SCARA5: variants seen among roughly 807,000 people sequenced by gnomAD.
The protein encoded by SCARA5 is scavenger receptor class A member 5.
A neutral mutation model predicts 46.3 loss-of-function variants in SCARA5; 45 were observed. That is an observed-to-expected ratio of 0.97 (90% CI 0.76 to 1.24). The LOEUF is 1.24. Among genes scored for constraint, SCARA5 ranks in the 50% most tolerant of loss-of-function variants. The probability of loss-of-function intolerance (pLI) is 0.00; values close to 1 mark genes in which losing one functional copy is unlikely to be tolerated. For missense variants in SCARA5, 680 were observed against 689.0 expected (o/e 0.99, Z 0.15); for synonymous variants, 333 against 306.5 (o/e 1.09, Z -0.90).
At chr8:27,892,502 T>C (rs1180417003) in intron 7 of SCARA5, among the ~76,000 whole-genome samples, 1 of 152,032 alleles carries the variant, frequency 6.6e-6, no homozygotes, top group African/African-American at 2.4e-5. Context: ...TGGTGATTCC[T>C]GTGGGGAGAT....
At chr8:27,920,310 C>A (rs61434202) in intron 4 of SCARA5, among the ~76,000 whole-genome samples, 54,491 of 151,864 alleles carry the variant, frequency 0.36, 9,995 homozygotes, top group African/African-American at 0.39. Context: ...ATCTCTAAAA[C>A]AGTAATAATT....
intron 5 of SCARA5, among the ~76,000 whole-genome samples, chr8:27,909,441 T>C (rs1397700410): frequency 6.6e-6 from 1 of 152,220 alleles, no homozygotes; most frequent in Non-Finnish European, 1.5e-5. Context: ...AGGCCTGTCC[T>C]GTACCTTTTC....
At chr8:27,872,163 C>T in intron 8 of SCARA5, 93 bp from the exon 9 acceptor site, 1 of 1,346,140 alleles carries the variant, frequency 7.4e-7, no homozygotes, top group South Asian at 1.2e-5. Context: ...TGACTTGGCT[C>T]TGCTGTACAC....
intron 3 of SCARA5, among the ~76,000 whole-genome samples, chr8:27,963,446 T>C (rs1808320487): frequency 6.6e-6 from 1 of 152,070 alleles, no homozygotes; most frequent in Admixed American, 6.6e-5. Context: ...CTTAGAGGTA[T>C]TGGAGGTAGG....
At chr8:27,952,335 G>A (rs1808141315) in intron 3 of SCARA5, among the ~76,000 whole-genome samples, 1 of 152,078 alleles carries the variant, frequency 6.6e-6, no homozygotes, top group Non-Finnish European at 1.5e-5. Flanking sequence ...CCCGGTTTGA[G>A]GTACTTTGAG....
intron 4 of SCARA5, chr8:27,910,378 G>A (rs1466621172): frequency 6.6e-6 from 1 of 152,282 alleles, no homozygotes; most frequent in African/African-American, 2.4e-5. Context: ...CCAGGCAGAG[G>A]GAACAATCCC....
chr8:27,971,374 CTT>C (rs1402682207), intron 2 of SCARA5, among the ~76,000 whole-genome samples: 2 of 152,190 alleles, frequency 1.3e-5, no homozygotes, highest in Non-Finnish European at 2.9e-5. Context: ...ACTCTGTTCT[CTT>C]TGTCTTCACT....
chr8:27,870,950 G>T lies in SCARA5; in HGVS notation c.*984C>A, dbSNP rs183396057. The T allele has an allele frequency of 1.3e-5, 2 of 152,326 alleles. No individual in the cohort carries two copies. Among genetic ancestry groups the T allele is most frequent in the East Asian group, 3.9e-4 (2 of 5,182 alleles). The allele number at this position is 152,326 out of a possible 1,614,324, so 9.4% of individuals were successfully genotyped here. ...AGCACTGGACTCAGGTTTAACATGG[G>T]CAGCCCCCATGTCACCCTCCACATC... On this transcript the variant is annotated 3_prime_UTR_variant, in exon 9 of 9. Coordinates refer to ENST00000354914, the MANE Select transcript of SCARA5 (RefSeq NM_173833.6).
At chr8:27,955,273 C>G (rs983923730) in intron 3 of SCARA5, among the ~76,000 whole-genome samples, 3 of 152,202 alleles carry the variant, frequency 2.0e-5, no homozygotes, top group Non-Finnish European at 4.4e-5. Context: ...TCATGCACCT[C>G]TTCCAGGGTT....
At chr8:27,975,499 GC>G (rs756473842) in intron 2 of SCARA5, among the ~76,000 whole-genome samples, 3 of 134,210 alleles carry the variant, frequency 2.2e-5, no homozygotes, top group Non-Finnish European at 5.1e-5. Context: ...GTGGGACTGG[GC>G]CCTCAACCTG....
intron 2 of SCARA5, among the ~76,000 whole-genome samples, chr8:27,968,336 T>C (rs539351607): frequency 2.0e-5 from 3 of 152,338 alleles, no homozygotes; most frequent in South Asian, 4.1e-4. Flanking sequence ...AAGTTGTCAA[T>C]GACTATTCTC....
intron 3 of SCARA5, among the ~76,000 whole-genome samples, chr8:27,946,322 T>C (rs949096687): frequency 1.8e-4 from 27 of 152,216 alleles, no homozygotes; most frequent in African/African-American, 6.5e-4. Context: ...TGAAAACAAC[T>C]GACTTTAGAG....
chr8:27,912,556 A>C (rs1381919475), intron 4 of SCARA5, among the ~76,000 whole-genome samples: 2 of 152,164 alleles, frequency 1.3e-5, no homozygotes, highest in Non-Finnish European at 2.9e-5. Context: ...GCGTTCCACT[A>C]CCCCTTCCCA....
chr8:27,881,352 A>G (rs899755748), intron 7 of SCARA5, among the ~76,000 whole-genome samples: 1 of 152,252 alleles, frequency 6.6e-6, no homozygotes, highest in Non-Finnish European at 1.5e-5. Context: ...CATATACACC[A>G]TGGAATACTA....
chr8:27,950,357 C>T (rs922192924), intron 3 of SCARA5, among the ~76,000 whole-genome samples: 1 of 152,176 alleles, frequency 6.6e-6, no homozygotes, highest in African/African-American at 2.4e-5. Flanking sequence ...ACCCCACACA[C>T]ACCCCCAATC....
At chr8:27,989,129 CTTTTTTTT>C (rs34929623) in intron 1 of SCARA5, among the ~76,000 whole-genome samples, 5 of 68,312 alleles carry the variant, frequency 7.3e-5, no homozygotes, top group Non-Finnish European at 7.6e-5. Context: ...TTCTTTCTTT[CTTTTTTTT>C]TTTTTTTTTT....
intron 3 of SCARA5, among the ~76,000 whole-genome samples, chr8:27,961,710 C>T (rs1808297178): frequency 6.6e-6 from 1 of 152,104 alleles, no homozygotes; most frequent in African/African-American, 2.4e-5. Context: ...CACGGTCCTG[C>T]CTGTCTCAAT....
At chr8:27,892,268 G>C (rs894589221) in intron 7 of SCARA5, among the ~76,000 whole-genome samples, 1 of 152,204 alleles carries the variant, frequency 6.6e-6, no homozygotes, top group South Asian at 2.1e-4. Flanking sequence ...ACCTTCTCAT[G>C]CCAGGATCCA....
At chr8:27,901,205 G>A (rs1480071885) in intron 7 of SCARA5, among the ~76,000 whole-genome samples, 1 of 152,178 alleles carries the variant, frequency 6.6e-6, no homozygotes, top group Non-Finnish European at 1.5e-5. Context: ...TCCCTAGTGA[G>A]GGGTGTCGGT....
Sources: gnomAD v4.1 joint callset for allele counts (sites outside exome capture counted in the v4.1 genomes callset) on GRCh38, gnomAD v4.1.1 for gene constraint, MANE v1.5 for transcripts, NCBI Gene and HGNC (gene_info 2026-07-23, HGNC 2026-07-21) for gene names.